Variants in TUBA1C observed in about 807,000 individuals in gnomAD.
TUBA1C encodes tubulin alpha-1C chain.
A neutral mutation model predicts 34.9 loss-of-function variants in TUBA1C; 16 were observed. The observed-to-expected ratio is 0.46, with a 90% CI of 0.31 to 0.70. The LOEUF (loss-of-function observed/expected upper bound fraction) is 0.70. Among genes scored for constraint, TUBA1C ranks in the 30% least tolerant of loss-of-function variants. The pLI, the probability that TUBA1C is intolerant of heterozygous loss-of-function variation, is 0.05. For missense variants in TUBA1C, 329 were observed against 587.3 expected, an observed-to-expected ratio of 0.56 and a Z score of 4.55; for synonymous variants, 177 against 215.9, an observed-to-expected ratio of 0.82 and a Z score of 1.58.
At chr12:49,238,464 C>G (rs1465564761) in intron 1 of TUBA1C, among the ~76,000 whole-genome samples, 1 of 152,040 alleles carries the variant, frequency 6.6e-6, no homozygotes, top group Admixed American at 6.6e-5. Flanking sequence ...TCGGATCCCA[C>G]GAGGACTGAG....
At chr12:49,234,293 T>C (rs1942527055) in intron 1 of TUBA1C, among the ~76,000 whole-genome samples, 1 of 152,238 alleles carries the variant, frequency 6.6e-6, no homozygotes, top group Non-Finnish European at 1.5e-5. Context: ...AGCAGTCCCC[T>C]ACCAGGTTCT....
intron 1 of TUBA1C, among the ~76,000 whole-genome samples, chr12:49,253,350 T>G (rs1942750242): frequency 6.6e-6 from 1 of 152,106 alleles, no homozygotes; most frequent in Non-Finnish European, 1.5e-5. Context: ...GTGGAAGCTA[T>G]GGAAGGAGAC....
intron 1 of TUBA1C, among the ~76,000 whole-genome samples, chr12:49,244,149 C>CAA (rs35040535): frequency 7.2e-5 from 7 of 97,618 alleles, no homozygotes; most frequent in Non-Finnish European, 1.4e-4. Context: ...GACTCTGTCT[C>CAA]AAAAAAAAAA....
chr12:49,246,476 C>G (rs1398652892), intron 1 of TUBA1C, among the ~76,000 whole-genome samples: 2 of 150,666 alleles, frequency 1.3e-5, no homozygotes, highest in Non-Finnish European at 1.5e-5. Context: ...TCAGGAGATC[C>G]AGATCATCCT....
At chr12:49,259,335 G>A (rs950458233) in intron 1 of TUBA1C, among the ~76,000 whole-genome samples, 2 of 151,740 alleles carry the variant, frequency 1.3e-5, no homozygotes, top group South Asian at 2.1e-4. Flanking sequence ...GGGTTCAAGC[G>A]ATTCTTGAGC....
intron 1 of TUBA1C, among the ~76,000 whole-genome samples, chr12:49,242,275 G>A (rs780956840): frequency 3.9e-5 from 6 of 152,098 alleles, no homozygotes; most frequent in Non-Finnish European, 7.3e-5. Context: ...ACAGGTGTGA[G>A]CCACTGCACC....
chr12:49,229,183 T>C (rs1490010814), intron 1 of TUBA1C, among the ~76,000 whole-genome samples: 2 of 152,338 alleles, frequency 1.3e-5, no homozygotes, highest in East Asian at 1.9e-4. Flanking sequence ...TTATCTTTTT[T>C]GCGTGCGTGT....
chr12:49,253,892 G>T (rs1342376502), intron 1 of TUBA1C, among the ~76,000 whole-genome samples: 1 of 152,136 alleles, frequency 6.6e-6, no homozygotes, highest in Non-Finnish European at 1.5e-5. Context: ...CAAGAAAAAG[G>T]GTTAAATTAT....
At position 49,274,416 on chromosome 12, in the gene TUBA1C, G is replaced by GCC. The variant is rs1943035072; in HGVS notation, c.*1190_*1191dup. On this transcript the variant is annotated 3_prime_UTR_variant, in exon 4 of 4. Coordinates refer to ENST00000301072, the MANE Select transcript of TUBA1C (RefSeq NM_032704.5). The stretch of plus-strand genomic sequence containing the variant: ...CAAAGTGCTGGGATTACAGGAGTGA[G>GCC]CCACTACACCTGGCCCCTAGATACG... 6.7e-6 allele frequency: 1 copy of GCC among 148,510 alleles called. No homozygotes were observed. The highest frequency in any genetic ancestry group is 2.5e-5 in the African/African-American group (1 of 40,134). The allele number at this position is 148,510 out of a possible 1,614,324, so 9.2% of individuals were successfully genotyped here.
At chr12:49,254,311 CAAG>C (rs1274136422) in intron 1 of TUBA1C, among the ~76,000 whole-genome samples, 1 of 150,294 alleles carries the variant, frequency 6.7e-6, no homozygotes, top group African/African-American at 2.5e-5. Context: ...AACTCCATCT[CAAG>C]AAGAGAAAAG....
In TUBA1C at chr12:49,273,352, T is replaced by A; in HGVS notation, c.*125T>A. On this transcript the variant is annotated 3_prime_UTR_variant, in exon 4 of 4. Coordinates refer to ENST00000301072, the MANE Select transcript of TUBA1C (RefSeq NM_032704.5). ...ATTTTAAATGTCGAGCTGACTTAAA[T>A]ACTTGATCCAGTTAAAGTTGGATGT... 6.4e-7 allele frequency: 1 copy of A among 1,561,572 alleles called. No individual in the cohort carries two copies.
At chr12:49,248,682 T>C (rs1258948333) in intron 1 of TUBA1C, among the ~76,000 whole-genome samples, 1 of 149,734 alleles carries the variant, frequency 6.7e-6, no homozygotes, top group Non-Finnish European at 1.5e-5. Flanking sequence ...GCTAACACAG[T>C]GAAACTCCGT....
At chr12:49,242,075 C>T (rs113111053) in intron 1 of TUBA1C, among the ~76,000 whole-genome samples, 9 of 150,108 alleles carry the variant, frequency 6.0e-5, no homozygotes, top group African/African-American at 1.7e-4. Flanking sequence ...CTGCAGCCTC[C>T]GCCTCCTGGA....
intron 3 of TUBA1C, 196 bp downstream of exon 3, chr12:49,270,172 C>A: frequency 8.6e-7 from 1 of 1,165,396 alleles, no homozygotes. Context: ...GAAGTAAGTG[C>A]TCTTTAGCCT....
chr12:49,237,830 C>A (rs1334371382), intron 1 of TUBA1C, among the ~76,000 whole-genome samples: 1 of 146,104 alleles, frequency 6.8e-6, no homozygotes, highest in Non-Finnish European at 1.5e-5. Context: ...GGGAAGAAAC[C>A]AGGTGCAGTG....
intron 1 of TUBA1C, chr12:49,233,088 C>A (rs937320972): frequency 2.0e-5 from 3 of 152,228 alleles, no homozygotes; most frequent in African/African-American, 7.2e-5. Flanking sequence ...CCGCTGGGAG[C>A]GCGCTTTGCT....
At position 49,273,266 on chromosome 12, in the gene TUBA1C, T is replaced by G. The variant is rs1339995571; in HGVS notation, c.*39T>G. 11 of 1,614,012 alleles carry G rather than the reference T, an allele frequency of 6.8e-6. 1 individual carries two copies. The highest frequency in any genetic ancestry group is 1.6e-4 in the Middle Eastern group (1 of 6,084). ...CTTTTACACTCCTTTGTCTTGGAACTGTCTTATTTTTGTTCTGTAAATGTC... is the reference window on the plus strand; with the variant it reads ...CTTTTACACTCCTTTGTCTTGGAACGGTCTTATTTTTGTTCTGTAAATGTC... On this transcript the variant is annotated 3_prime_UTR_variant, in exon 4 of 4. Transcript: ENST00000301072.
intron 1 of TUBA1C, among the ~76,000 whole-genome samples, chr12:49,256,950 C>A (rs932072356): frequency 6.6e-6 from 1 of 151,920 alleles, no homozygotes; most frequent in Non-Finnish European, 1.5e-5. Flanking sequence ...GAGGCTGAGG[C>A]GGGTGGATTA....
At chr12:49,240,852 TCA>T (rs1335801030) in intron 1 of TUBA1C, among the ~76,000 whole-genome samples, 1 of 152,146 alleles carries the variant, frequency 6.6e-6, no homozygotes, top group African/African-American at 2.4e-5. Context: ...CACCTCAGCC[TCA>T]CAAAGTGTTG....
Sources: allele counts gnomAD v4.1 joint callset (sites outside exome capture counted in the v4.1 genomes callset), GRCh38; gene constraint gnomAD v4.1.1; transcripts MANE v1.5; gene names NCBI Gene and HGNC (gene_info 2026-07-23, HGNC 2026-07-21).